Variants in PLCE1 observed in about 807,000 individuals in gnomAD.
PLCE1 encodes 1-phosphatidylinositol 4,5-bisphosphate phosphodiesterase epsilon-1.
A neutral mutation model predicts 242.8 loss-of-function variants in PLCE1; 119 were observed. The observed-to-expected ratio is 0.49, with a 90% CI of 0.42 to 0.57. The LOEUF (loss-of-function observed/expected upper bound fraction) is 0.57, where lower values mean the gene tolerates loss of function less well. Ranked by LOEUF, PLCE1 falls within the 20% of genes least tolerant of loss-of-function variation. The probability of loss-of-function intolerance (pLI) is 0.00; values close to 1 mark genes in which losing one functional copy is unlikely to be tolerated. For missense variants in PLCE1, 2,441 were observed against 2,788.8 expected (o/e 0.88, Z 2.81); for synonymous variants, 945 against 1,017.4 (o/e 0.93, Z 1.35).
chr10:94,022,414 T>C (rs1446497899), intron 1 of PLCE1, among the ~76,000 whole-genome samples: 2 of 151,994 alleles, frequency 1.3e-5, no homozygotes, highest in African/African-American at 2.4e-5. Context: ...TATGTATGTG[T>C]GTGTGTATTC....
At chr10:94,266,400 A>G (rs1463839689) in intron 16 of PLCE1, among the ~76,000 whole-genome samples, 1 of 149,266 alleles carries the variant, frequency 6.7e-6, no homozygotes, top group East Asian at 2.0e-4. Flanking sequence ...TCAGTTTGTT[A>G]AATAATCAAT....
At chr10:94,045,838 C>T (rs541260993) in intron 2 of PLCE1, among the ~76,000 whole-genome samples, 3 of 152,194 alleles carry the variant, frequency 2.0e-5, no homozygotes, top group East Asian at 1.9e-4. Context: ...CGGTGGCTCA[C>T]GCCTGTACTC....
At chr10:94,144,459 G>A (rs2047057877) in intron 3 of PLCE1, among the ~76,000 whole-genome samples, 1 of 152,174 alleles carries the variant, frequency 6.6e-6, no homozygotes, top group South Asian at 2.1e-4. Flanking sequence ...GATGTCTGTG[G>A]AAATGATATC....
intron 2 of PLCE1, among the ~76,000 whole-genome samples, chr10:94,131,900 G>A (rs2046609073): frequency 6.6e-6 from 1 of 152,210 alleles, no homozygotes; most frequent in African/African-American, 2.4e-5. Context: ...GGAGAAATTT[G>A]AGCTGAATGT....
chr10:94,120,827 G>A (rs2046277843), intron 2 of PLCE1: 1 of 152,356 alleles, frequency 6.6e-6, no homozygotes, highest in Admixed American at 6.5e-5. Context: ...GGGAAGGTAG[G>A]AAGATCAGGA....
At chr10:94,217,624 T>C (rs1457002707) in intron 4 of PLCE1, among the ~76,000 whole-genome samples, 1 of 152,234 alleles carries the variant, frequency 6.6e-6, no homozygotes, top group African/African-American at 2.4e-5. Flanking sequence ...TGCATAGCTG[T>C]TGGCAATTCC....
At chr10:94,201,357 A>T (rs1374319117) in intron 4 of PLCE1, among the ~76,000 whole-genome samples, 2 of 152,246 alleles carry the variant, frequency 1.3e-5, no homozygotes, top group African/African-American at 4.8e-5. Context: ...GTGAGGTGGT[A>T]TAGCAGAAGT....
chr10:93,995,652 G>A (rs561169413), intron 1 of PLCE1, among the ~76,000 whole-genome samples: 1 of 152,342 alleles, frequency 6.6e-6, no homozygotes, highest in African/African-American at 2.4e-5. Context: ...GGAGCTAGAG[G>A]AATGTATAAT....
intron 7 of PLCE1, 38 bp downstream of exon 7, chr10:94,236,158 C>T (rs187541472): frequency 1.3e-6 from 2 of 1,553,402 alleles, no homozygotes; most frequent in South Asian, 1.1e-5. Context: ...ATGCTCATCT[C>T]TTCTTTTTTC....
At position 94,273,459 on chromosome 10, in the gene PLCE1, A is replaced by C. The variant is rs978234826; in HGVS notation, c.4507-103A>C. 4 of 1,143,680 alleles carry C rather than the reference A, an allele frequency of 3.5e-6. No homozygotes were observed. In the African/African-American group the frequency reaches 4.6e-5, roughly 13 times the overall value. The allele number at this position is 1,143,680 out of a possible 1,614,324, so 70.8% of individuals were successfully genotyped here. ...TTCCTCTTCCTAAGACTTTTTAAAT[A>C]ATTCAACCAGTCTAAAATATCTACT... On this transcript the variant is annotated intron_variant, in intron 18 of 32. Transcript: ENST00000371380.
intron 29 of PLCE1, among the ~76,000 whole-genome samples, chr10:94,320,193 G>A (rs1409526210): frequency 2.6e-5 from 4 of 151,950 alleles, no homozygotes; most frequent in African/African-American, 9.7e-5. Context: ...TAAGCAAGTT[G>A]TAAAACAGTA....
At chr10:94,123,836 C>A (rs1014482549) in intron 2 of PLCE1, among the ~76,000 whole-genome samples, 2 of 152,154 alleles carry the variant, frequency 1.3e-5, no homozygotes, top group Non-Finnish European at 2.9e-5. Flanking sequence ...TGCGTTGTTA[C>A]CACCTATTAA....
intron 4 of PLCE1, among the ~76,000 whole-genome samples, chr10:94,174,983 A>C (rs1302652205): frequency 6.6e-6 from 1 of 152,182 alleles, no homozygotes; most frequent in Non-Finnish European, 1.5e-5. Context: ...GAGGAAGCTG[A>C]GTGAAGGGTG....
At chr10:94,211,860 C>T (rs986201581) in intron 4 of PLCE1, among the ~76,000 whole-genome samples, 6 of 152,138 alleles carry the variant, frequency 3.9e-5, no homozygotes, top group African/African-American at 1.4e-4. Flanking sequence ...TACTGAACTA[C>T]TGGTGGAGAC....
At chr10:94,115,048 C>G (rs1281717478) in intron 2 of PLCE1, among the ~76,000 whole-genome samples, 1 of 151,632 alleles carries the variant, frequency 6.6e-6, no homozygotes, top group East Asian at 1.9e-4. Flanking sequence ...ATAGTTTGTT[C>G]AGAATGATGG....
chr10:94,202,019 G>A (rs1288492993), intron 4 of PLCE1, among the ~76,000 whole-genome samples: 2 of 152,184 alleles, frequency 1.3e-5, no homozygotes, highest in African/African-American at 4.8e-5. Flanking sequence ...TTTCTGCCAA[G>A]TTAAAGACAA....
intron 14 of PLCE1, among the ~76,000 whole-genome samples, chr10:94,263,993 A>G (rs531776517): frequency 1.3e-5 from 2 of 152,278 alleles, no homozygotes; most frequent in South Asian, 4.1e-4. Context: ...ACTAGTTCCT[A>G]CTATGCTGGC....
intron 22 of PLCE1, among the ~76,000 whole-genome samples, chr10:94,289,626 A>G (rs1192611080): frequency 1.3e-5 from 2 of 152,214 alleles, no homozygotes; most frequent in African/African-American, 4.8e-5. Flanking sequence ...GTGTAACACA[A>G]TGATAAGTAT....
intron 3 of PLCE1, among the ~76,000 whole-genome samples, chr10:94,163,600 C>T (rs2047692054): frequency 6.6e-6 from 1 of 152,048 alleles, no homozygotes; most frequent in African/African-American, 2.4e-5. Context: ...TGGGTCTTGA[C>T]TCTTTATCCA....
Sources: gnomAD v4.1 joint callset for allele counts (sites outside exome capture counted in the v4.1 genomes callset) on GRCh38, gnomAD v4.1.1 for gene constraint, MANE v1.5 for transcripts, NCBI Gene and HGNC (gene_info 2026-07-23, HGNC 2026-07-21) for gene names.